Variants in HECW2 observed in about 807,000 individuals in gnomAD.
HECW2 encodes HECT, C2 and WW domain containing E3 ubiquitin protein ligase 2.
In HECW2, 61 loss-of-function variants were observed where a neutral mutation model predicts 175.2. The observed-to-expected ratio is 0.35, with a 90% CI of 0.28 to 0.43. The LOEUF is 0.43. Among genes scored for constraint, HECW2 ranks in the 20% least tolerant of loss-of-function variants. HECW2 has a pLI of 1.00. For missense variants in HECW2, 1,524 were observed against 2,000.5 expected (o/e 0.76, Z 4.54); for synonymous variants, 671 against 731.0 (o/e 0.92, Z 1.32).
intron 2 of HECW2, among the ~76,000 whole-genome samples, chr2:196,418,835 AG>A (rs1019863554): frequency 6.6e-6 from 1 of 152,218 alleles, no homozygotes; most frequent in Non-Finnish European, 1.5e-5. Context: ...CTGAATATAG[AG>A]GATATTTAAA....
intron 7 of HECW2, among the ~76,000 whole-genome samples, 175 bp downstream of exon 7, chr2:196,322,298 TTAAAA>T (rs1691975887): frequency 6.6e-6 from 1 of 152,356 alleles, no homozygotes; most frequent in South Asian, 2.1e-4. Flanking sequence ...ACATATATAA[TTAAAA>T]TAAACTACTT....
At chr2:196,344,774 A>G (rs1313267107) in intron 2 of HECW2, among the ~76,000 whole-genome samples, 1 of 152,202 alleles carries the variant, frequency 6.6e-6, no homozygotes, top group Non-Finnish European at 1.5e-5. Context: ...GGAAGGATTA[A>G]GGTTGCACTT....
chr2:196,266,744 A>T (rs1268733436), intron 17 of HECW2, among the ~76,000 whole-genome samples: 4 of 152,212 alleles, frequency 2.6e-5, no homozygotes, highest in Non-Finnish European at 5.9e-5. Context: ...AGCTTTTGAA[A>T]CTTTAACTTT....
chr2:196,445,083 A>G (rs10497786), intron 1 of HECW2, among the ~76,000 whole-genome samples: 26,176 of 152,142 alleles, frequency 0.17, 2,566 homozygotes, highest in East Asian at 0.32. Flanking sequence ...CTATATGTCA[A>G]TTCCAGTTGT....
At chr2:196,204,076 T>A (rs1686972647) in intron 28 of HECW2, among the ~76,000 whole-genome samples, 1 of 152,236 alleles carries the variant, frequency 6.6e-6, no homozygotes, top group Non-Finnish European at 1.5e-5. Context: ...ATTGTATGTA[T>A]ATACCACATT....
intron 28 of HECW2, among the ~76,000 whole-genome samples, chr2:196,201,726 AT>A (rs149711963): frequency 2.3e-4 from 35 of 150,156 alleles, no homozygotes; most frequent in African/African-American, 6.1e-4. Context: ...TTGATGCTAG[AT>A]TTTTTTTTTA....
intron 1 of HECW2, among the ~76,000 whole-genome samples, chr2:196,588,918 T>C (rs759659946): frequency 4.4e-4 from 67 of 152,252 alleles, no homozygotes; most frequent in Non-Finnish European, 7.9e-4. Context: ...AAAAGATACA[T>C]AGGCCGGTCA....
chr2:196,319,225 C>A lies in HECW2; in HGVS notation c.1665G>T (p.Glu555Asp). 6.3e-7 allele frequency: 1 copy of A among 1,596,666 alleles called. No homozygotes were observed. Among genetic ancestry groups the A allele is most frequent in the South Asian group, 1.2e-5 (1 of 86,920 alleles). ...TGCCCTGGTCAGCACTGGGTTGAGG[C>A]TCTGGGCCGCCTTCACCTTCCTCTG... ...PAPEEGEGGP[E>D]PQPSADQGSA... Residue 555 changes from glutamate (E) to aspartate (D), a missense_variant, in exon 9 of 29, where the codon GAG (glutamate) becomes GAT (aspartate). Transcript: ENST00000644978.
At chr2:196,245,431 A>C (rs1332898737) in intron 19 of HECW2, among the ~76,000 whole-genome samples, 2 of 152,192 alleles carry the variant, frequency 1.3e-5, no homozygotes, top group African/African-American at 2.4e-5. Flanking sequence ...GTGGGAAGTG[A>C]TGCAGGTGGA....
intron 10 of HECW2, chr2:196,316,375 A>G (rs1387982299): frequency 1.3e-5 from 2 of 152,140 alleles, no homozygotes; most frequent in South Asian, 2.1e-4. Context: ...TTTATGTTCC[A>G]CCATTTTTAA....
chr2:196,322,490 C>G lies in HECW2; in HGVS notation c.872G>C (p.Arg291Pro). ...AAGGGCTGATTACCCGATGGCTTGT[C>G]GCTCCAGCAGCCTCTGGACTGGAAT... The part of the protein sequence containing the change: ...LTIPVQRLLE[R>P]QAIGDQMLSY... Residue 291 changes from arginine to proline, a missense_variant, in exon 7 of 29, where the codon CGA becomes CCA. Physicochemically the swap from Arg to Pro is moderately radical, Grantham distance 103. Coordinates refer to ENST00000644978, the MANE Select transcript of HECW2 (RefSeq NM_001348768.2). 1 of 1,613,466 alleles carries G rather than the reference C, an allele frequency of 6.2e-7. No homozygotes were observed. The highest frequency in any genetic ancestry group is 8.5e-7 in the Non-Finnish European group (1 of 1,179,746).
chr2:196,574,176 T>A (rs1575687526), intron 1 of HECW2, among the ~76,000 whole-genome samples: 1 of 152,264 alleles, frequency 6.6e-6, no homozygotes, highest in South Asian at 2.1e-4. Context: ...ACGTCTGTAA[T>A]CCCAGCACTT....
intron 1 of HECW2, among the ~76,000 whole-genome samples, chr2:196,535,651 C>G (rs917329596): frequency 6.6e-6 from 1 of 152,094 alleles, no homozygotes; most frequent in Admixed American, 6.6e-5. Context: ...CATAATAGTC[C>G]TGGATATTCT....
intron 1 of HECW2, among the ~76,000 whole-genome samples, chr2:196,516,139 T>TAAACA (rs1056519246): frequency 5.9e-5 from 9 of 152,090 alleles, no homozygotes; most frequent in African/African-American, 9.6e-5. Context: ...TCTGTCTCAA[T>TAAACA]AAACAAAACA....
chr2:196,255,147 ATTTTTTT>A (rs768416431), intron 18 of HECW2, among the ~76,000 whole-genome samples: 6 of 95,420 alleles, frequency 6.3e-5, no homozygotes, highest in Middle Eastern at 9.6e-3. Context: ...TAATTTTTCT[ATTTTTTT>A]TTTTTTTTTT....
At chr2:196,486,133 C>T (rs546012067) in intron 1 of HECW2, among the ~76,000 whole-genome samples, 3 of 152,120 alleles carry the variant, frequency 2.0e-5, no homozygotes, top group South Asian at 2.1e-4. Context: ...ATACTGGCTA[C>T]GTGGAACATG....
intron 22 of HECW2, among the ~76,000 whole-genome samples, chr2:196,227,158 A>C (rs1049172895): frequency 6.6e-6 from 1 of 152,214 alleles, no homozygotes; most frequent in Non-Finnish European, 1.5e-5. Context: ...AGGACTTCAA[A>C]TTGCAGCTAA....
intron 26 of HECW2, among the ~76,000 whole-genome samples, chr2:196,219,705 G>A (rs1687598119): frequency 1.3e-5 from 2 of 152,182 alleles, no homozygotes; most frequent in Admixed American, 1.3e-4. Flanking sequence ...AAATGGAATA[G>A]GTGGAGTTTG....
chr2:196,291,467 T>G (rs1343254195), intron 14 of HECW2: 1 of 152,224 alleles, frequency 6.6e-6, no homozygotes, highest in Non-Finnish European at 1.5e-5. Flanking sequence ...TACAAAGTAG[T>G]TGGCTTACCT....
Sources: allele counts gnomAD v4.1 joint callset (sites outside exome capture counted in the v4.1 genomes callset), GRCh38; gene constraint gnomAD v4.1.1; transcripts MANE v1.5; gene names NCBI Gene and HGNC (gene_info 2026-07-23, HGNC 2026-07-21).